The following GDPD5 variants were observed in gnomAD, a reference collection of about 807,000 sequenced individuals.
GDPD5 encodes glycerophosphodiester phosphodiesterase domain containing 5.
In GDPD5, 48 loss-of-function variants were observed where a neutral mutation model predicts 75.1. The ratio of observed to expected loss-of-function variants is 0.64; its 90% CI spans 0.51 to 0.81. The LOEUF (loss-of-function observed/expected upper bound fraction) is 0.81, where lower values mean the gene tolerates loss of function less well. Among genes scored for constraint, GDPD5 ranks in the 40% least tolerant of loss-of-function variants. GDPD5 has a pLI of 0.00. For missense variants in GDPD5, 706 were observed against 822.6 expected (o/e 0.86, Z 1.73); for synonymous variants, 336 against 339.0 (o/e 0.99, Z 0.10).
In GDPD5 at chr11:75,444,604, T is replaced by G; in HGVS notation, c.715-109A>C. On this transcript the variant is annotated intron_variant, in intron 9 of 16. Transcript: ENST00000336898. ...AGGCTGGGCTAGGCCTGGTTCTAAT[T>G]CTGGCCCCTCCACAGAGTAGCTGTG... 6.3e-6 allele frequency: 5 copies of G among 798,868 alleles called. No homozygotes were observed. The South Asian group carries it at 7.2e-5, about 12-fold the overall frequency. The allele number at this position is 798,868 out of a possible 1,614,324, so 49.5% of individuals were successfully genotyped here.
chr11:75,451,407 G>C (rs1949149464), intron 6 of GDPD5: 2 of 152,308 alleles, frequency 1.3e-5, no homozygotes, highest in South Asian at 2.1e-4. Context: ...TCTCACACAC[G>C]GGAAGCGAGG....
intron 1 of GDPD5, among the ~76,000 whole-genome samples, chr11:75,510,616 G>A (rs1186461644): frequency 6.6e-6 from 1 of 152,124 alleles, no homozygotes; most frequent in East Asian, 1.9e-4. Flanking sequence ...CCAGCTGTTG[G>A]AAGAATGCCC....
chr11:75,449,803 CT>C (rs1949090902), intron 7 of GDPD5, 81 bp downstream of exon 7: 6 of 1,482,142 alleles, frequency 4.0e-6, no homozygotes, highest in Non-Finnish European at 4.7e-6. Context: ...CCTCCCTGCC[CT>C]TCTTTGGGCC....
intron 2 of GDPD5, chr11:75,485,389 A>T (rs1950001243): frequency 6.6e-6 from 1 of 152,220 alleles, no homozygotes; most frequent in African/African-American, 2.4e-5. Context: ...TTAATATAAG[A>T]TGTAAAGAAT....
chr11:75,450,115 G>A (rs752610719), intron 6 of GDPD5, 132 bp from the exon 7 acceptor site: 30 of 677,982 alleles, frequency 4.4e-5, no homozygotes, highest in Admixed American at 8.0e-5. Flanking sequence ...GGGGAGGGAG[G>A]AAAGAGACAG....
intron 2 of GDPD5, among the ~76,000 whole-genome samples, chr11:75,488,222 C>T (rs191376338): frequency 2.0e-4 from 31 of 152,196 alleles, no homozygotes; most frequent in African/African-American, 7.0e-4. Context: ...TGCCCCCACC[C>T]CCTTCTCCCC....
At chr11:75,455,593 C>A (rs369901214) in intron 6 of GDPD5, among the ~76,000 whole-genome samples, 1 of 152,340 alleles carries the variant, frequency 6.6e-6, no homozygotes, top group East Asian at 1.9e-4. Flanking sequence ...TAGAAGTGAG[C>A]CCCTCCCCTT....
At chr11:75,438,310 C>G (rs375653797) in intron 15 of GDPD5, 1 of 152,312 alleles carries the variant, frequency 6.6e-6, no homozygotes, top group Non-Finnish European at 1.5e-5. Flanking sequence ...AGAGTATCCT[C>G]CCCCGGCCTT....
At chr11:75,443,755 C>T (rs1333514974) in intron 10 of GDPD5, among the ~76,000 whole-genome samples, 1 of 152,222 alleles carries the variant, frequency 6.6e-6, no homozygotes, top group South Asian at 2.1e-4. Context: ...TCCTTGTCTA[C>T]TCTACCAGGG....
At chr11:75,520,668 C>T (rs1343832403) in intron 1 of GDPD5, among the ~76,000 whole-genome samples, 1 of 152,168 alleles carries the variant, frequency 6.6e-6, no homozygotes, top group Non-Finnish European at 1.5e-5. Context: ...CATCTTTGGA[C>T]CTGGTTGAAC....
In GDPD5 at chr11:75,456,887, C is replaced by A; in HGVS notation, c.316-71G>T. ...AAGGCTTTGCCAGTTTCTCAGACAC[C>A]CTGCTCCCCACTGCGGCTCTGGGCC... is the stretch of plus-strand genomic sequence containing the variant. On this transcript the variant is annotated intron_variant, in intron 5 of 16. Transcript: ENST00000336898. The A allele has an allele frequency of 6.1e-6, 9 of 1,471,114 alleles. No individual in the cohort carries two copies. The South Asian group carries it at 1.0e-4, about 17-fold the overall frequency. The allele number at this position is 1,471,114 out of a possible 1,614,324, so 91.1% of individuals were successfully genotyped here.
At chr11:75,481,578 G>A (rs1202618162) in intron 2 of GDPD5, among the ~76,000 whole-genome samples, 1 of 152,082 alleles carries the variant, frequency 6.6e-6, no homozygotes, top group South Asian at 2.1e-4. Flanking sequence ...GACCATGGGT[G>A]GGGGTTGGTG....
chr11:75,436,484 G>A (rs1002810326), intron 16 of GDPD5, among the ~76,000 whole-genome samples: 6 of 83,378 alleles, frequency 7.2e-5, no homozygotes, highest in South Asian at 6.8e-4. Flanking sequence ...CCCCCCGCCC[G>A]GCACTCCCAT....
At chr11:75,521,197 A>G (rs1197675190) in intron 1 of GDPD5, among the ~76,000 whole-genome samples, 2 of 152,232 alleles carry the variant, frequency 1.3e-5, no homozygotes, top group South Asian at 2.1e-4. Flanking sequence ...ACAACCAGCC[A>G]GCCTGTGCAC....
intron 1 of GDPD5, among the ~76,000 whole-genome samples, chr11:75,497,790 C>T (rs1950237862): frequency 6.6e-6 from 1 of 152,164 alleles, no homozygotes. Context: ...TGGGCCAGGG[C>T]AGAGCTGATA....
Position 75,449,108 on chromosome 11 carries a change from T to C in GDPD5, c.583A>G (p.Ile195Val), listed in dbSNP as rs143893667. Residue 195 changes from isoleucine to valine, a missense_variant, in exon 9 of 17, where the codon ATT (isoleucine) becomes GTT (valine). Coordinates refer to ENST00000336898, the MANE Select transcript of GDPD5 (RefSeq NM_030792.8). ...ACCACGGTGAAGAAGGTACAGAGAA[T>C]GGTCACCTGGGAGGCTGCAGATAAG... The part of the protein sequence containing the change: ...RAERTSSQVT[I>V]LCTFFTVVFA... The C allele has an allele frequency of 1.4e-5, 22 of 1,590,702 alleles. No homozygotes were observed. In the African/African-American group the frequency reaches 2.3e-4, roughly 17 times the overall value.
intron 3 of GDPD5, among the ~76,000 whole-genome samples, chr11:75,476,859 C>T (rs907156850): frequency 6.6e-6 from 1 of 152,200 alleles, no homozygotes; most frequent in Non-Finnish European, 1.5e-5. Flanking sequence ...CTGACATCAG[C>T]GGCAGCCACC....
At chr11:75,521,937 C>T (rs752780983) in intron 1 of GDPD5, among the ~76,000 whole-genome samples, 1 of 152,168 alleles carries the variant, frequency 6.6e-6, no homozygotes, top group Non-Finnish European at 1.5e-5. Flanking sequence ...CTTCATCTTA[C>T]AGGCCGTAAG....
chr11:75,488,142 C>T (rs1388190615), intron 2 of GDPD5, among the ~76,000 whole-genome samples: 15 of 152,066 alleles, frequency 9.9e-5, no homozygotes, highest in Non-Finnish European at 1.5e-5. Flanking sequence ...GGCCTCTCCC[C>T]TCCCTGGAGG....
Sources: gnomAD v4.1 joint callset for allele counts (sites outside exome capture counted in the v4.1 genomes callset) on GRCh38, gnomAD v4.1.1 for gene constraint, MANE v1.5 for transcripts, NCBI Gene and HGNC (gene_info 2026-07-23, HGNC 2026-07-21) for gene names.